F12: variants seen among roughly 807,000 people sequenced by gnomAD.
The protein encoded by F12 is Hageman factor.
In F12, 70 loss-of-function variants were observed where a neutral mutation model predicts 74.8. That is an observed-to-expected ratio of 0.94 (90% CI 0.77 to 1.14). The LOEUF is 1.14. Among genes scored for constraint, F12 ranks in the 50% most tolerant of loss-of-function variants. F12 has a pLI of 0.00. For missense variants in F12, 811 were observed against 835.7 expected, an observed-to-expected ratio of 0.97 and a Z score of 0.36; for synonymous variants, 373 against 356.4, an observed-to-expected ratio of 1.05 and a Z score of -0.52.
intron 8 of F12, 28 bp from the exon 9 acceptor site, chr5:177,404,441 G>A (rs1280024406): frequency 1.2e-6 from 2 of 1,603,946 alleles, no homozygotes; most frequent in African/African-American, 2.7e-5. Flanking sequence ...GGCGCCGTTA[G>A]AGCGCCGGGA....
chr5:177,404,246 GGCGGTGCCGGCTGC>G lies in F12; in HGVS notation c.954_967del (p.Gln319GlufsTer110). ...GGTCCGGGTCGTGGGCTGAGGCTTC[GGCGGTGCCGGCTGC>G]GCGGGCATGAGTGGGACATGAAGCC... On this transcript the variant is annotated frameshift_variant, in exon 9 of 14. Coordinates refer to ENST00000253496, the MANE Select transcript of F12 (RefSeq NM_000505.4). LOFTEE classifies it high-confidence loss of function. 6.3e-7 allele frequency: 1 copy of G among 1,597,574 alleles called. No homozygotes were observed.
At position 177,402,278 on chromosome 5, in the gene F12, G is replaced by T; in HGVS notation, c.*14C>A. 1.2e-6 allele frequency: 2 copies of T among 1,613,332 alleles called. No individual in the cohort carries two copies. Among genetic ancestry groups the T allele is most frequent in the Middle Eastern group, 1.7e-4 (1 of 6,060 alleles). The stretch of plus-strand genomic sequence containing the variant: ...GCGGAATCACCAAGGAGGGAAAGAT[G>T]AGTCCCTGAGCAATCAGGAAACGGT... On this transcript the variant is annotated 3_prime_UTR_variant, in exon 14 of 14. Coordinates refer to ENST00000253496, the MANE Select transcript of F12 (RefSeq NM_000505.4).
chr5:177,404,348 T>C lies in F12; in HGVS notation c.866A>G (p.Tyr289Cys), dbSNP rs756656239. 1.2e-6 allele frequency: 2 copies of C among 1,611,372 alleles called. No homozygotes were observed. The highest frequency in any genetic ancestry group is 1.7e-5 in the Admixed American group (1 of 59,786). The change falls in exon 9 of 14, where the codon TAC (tyrosine) becomes TGC (cysteine). Residue 289 changes from tyrosine (Y) to cysteine (C), a missense_variant. Tyr to Cys is a radical substitution (Grantham distance 194). Coordinates refer to ENST00000253496, the MANE Select transcript of F12 (RefSeq NM_000505.4). Reference sequence around the variant, plus strand: ...GGTCTGGCACTGTGCCAGGTCGCAGTACTCCCAGCTCAGCCGGTCGCGGTT... The same window carrying C: ...GGTCTGGCACTGTGCCAGGTCGCAGCACTCCCAGCTCAGCCGGTCGCGGTT... ...VLNRDRLSWE[Y>C]CDLAQCQTPT...
chr5:177,408,729 A>G (rs2127362348), intron 2 of F12, among the ~76,000 whole-genome samples: 1 of 152,342 alleles, frequency 6.6e-6, no homozygotes, highest in African/African-American at 2.4e-5. Context: ...TGTGGCATGA[A>G]TGATGCCCAT....
chr5:177,403,394 A>G lies in F12; in HGVS notation c.1391T>C (p.Leu464Pro). 1.3e-6 allele frequency: 2 copies of G among 1,596,082 alleles called. No homozygotes were observed. The highest frequency in any genetic ancestry group is 8.5e-7 in the Non-Finnish European group (1 of 1,178,036). The change falls in exon 12 of 14, where the codon CTG becomes CCG. Residue 464 changes from leucine to proline, a missense_variant. Physicochemically the swap from Leu to Pro is moderately conservative, Grantham distance 98. Transcript: ENST00000253496. ...GTCCGCATCCTCCTGAAGGCGCAAC[A>G]GAGCTAACCCGGGCGGAGAGGAGCG... ...SPVSYQHDLA[L>P]LRLQEDADGS...
Position 177,409,141 on chromosome 5 carries a change from G to A in F12, c.58-38C>T, listed in dbSNP as rs912102296. ...GAAGAAGGCAGGGAACTGACTATAAGTCATAGCCTGCCACCGATCTGTTGC... is the reference window on the plus strand; with the variant it reads ...GAAGAAGGCAGGGAACTGACTATAAATCATAGCCTGCCACCGATCTGTTGC... On this transcript the variant is annotated intron_variant, in intron 1 of 13. Transcript: ENST00000253496. 25 of 1,536,936 alleles carry A rather than the reference G, an allele frequency of 1.6e-5. No individual in the cohort carries two copies. The African/African-American group carries it at 2.5e-4, about 15-fold the overall frequency.
chr5:177,404,963 A>C, intron 6 of F12, 49 bp from the exon 7 acceptor site: 1 of 1,585,998 alleles, frequency 6.3e-7, no homozygotes, highest in Non-Finnish European at 8.5e-7. Context: ...AGACCCCCCC[A>C]GAGAGCTCTC....
chr5:177,406,304 C>T (rs569133220), intron 2 of F12, among the ~76,000 whole-genome samples: 2 of 151,598 alleles, frequency 1.3e-5, no homozygotes, highest in East Asian at 3.9e-4. Flanking sequence ...CTGGCTAATA[C>T]AGTGAAACCC....
At position 177,404,818 on chromosome 5, in the gene F12, C is replaced by T. The variant is rs766851500; in HGVS notation, c.626G>A (p.Cys209Tyr). 5.7e-5 allele frequency: 92 copies of T among 1,606,590 alleles called. No homozygotes were observed. Among genetic ancestry groups the T allele is most frequent in the Non-Finnish European group, 7.6e-5 (89 of 1,177,562 alleles). ...HCPVGYTGAF[C>Y]DVDTKASCYD... ...CCCAGACCCTCACTCACCCACGTCG[C>T]AGAAGGCTCCGGTGTAGCCCACCGG... Residue 209 changes from cysteine to tyrosine, a missense_variant, in exon 7 of 14, where the codon TGC becomes TAC. Physicochemically the swap from Cys to Tyr is radical, Grantham distance 194 (BLOSUM62 -2). Coordinates refer to ENST00000253496, the MANE Select transcript of F12 (RefSeq NM_000505.4).
At position 177,404,269 on chromosome 5, in the gene F12, G is replaced by T; in HGVS notation, c.945C>A (p.Leu315=). The T allele has an allele frequency of 6.3e-7, 1 of 1,597,380 alleles. No individual in the cohort carries two copies. The highest frequency in any genetic ancestry group is 1.1e-5 in the South Asian group (1 of 89,264). Residue 315 remains leucine (L), a synonymous_variant, in exon 9 of 14, where the codon CTC becomes CTA. Transcript: ENST00000253496. Reference sequence around the variant, plus strand: ...TCGGCGGTGCCGGCTGCGCGGGCATGAGTGGGACATGAAGCCTAGGGGACA... The same window carrying T: ...TCGGCGGTGCCGGCTGCGCGGGCATTAGTGGGACATGAAGCCTAGGGGACA... The part of the protein sequence containing the change: ...TPVSPRLHVP[L]MPAQPAPPKP...
chr5:177,406,381 C>T (rs543332570), intron 2 of F12, among the ~76,000 whole-genome samples: 3 of 152,086 alleles, frequency 2.0e-5, no homozygotes, highest in African/African-American at 4.8e-5. Flanking sequence ...CCCAGCTACT[C>T]GGGAGGCCGA....
At position 177,403,092 on chromosome 5, in the gene F12, G is replaced by A. The variant is rs975276972; in HGVS notation, c.1531+162C>T. The A allele has an allele frequency of 6.8e-6, 6 of 885,928 alleles. No homozygotes were observed. In the African/African-American group the frequency reaches 1.0e-4, roughly 15 times the overall value. The allele number at this position is 885,928 out of a possible 1,614,324, so 54.9% of individuals were successfully genotyped here. On this transcript the variant is annotated intron_variant, in intron 12 of 13. Coordinates refer to ENST00000253496, the MANE Select transcript of F12 (RefSeq NM_000505.4). ...ATCCCAGCAGTGAATCCCAGGCCCT[G>A]GGATTCTACCTGGGATTCACCTACA...
At chr5:177,408,908 C>A in intron 2 of F12, 138 bp downstream of exon 2, 2 of 844,248 alleles carry the variant, frequency 2.4e-6, no homozygotes, top group South Asian at 2.9e-5. Context: ...GATCACACAG[C>A]TCACGATCAC....
At chr5:177,407,784 C>CAAAAAAAA (rs112040010) in intron 2 of F12, among the ~76,000 whole-genome samples, 1 of 137,866 alleles carries the variant, frequency 7.3e-6, no homozygotes. Context: ...GACTCCATCT[C>CAAAAAAAA]AAAAAAAAAA....
chr5:177,402,494 C>G, intron 13 of F12, 35 bp from the exon 14 acceptor site: 6 of 1,599,466 alleles, frequency 3.8e-6, no homozygotes, highest in Non-Finnish European at 5.1e-6. Flanking sequence ...CGCTGTGGAC[C>G]TGAGATTTGT....
chr5:177,405,950 G>A lies in F12; in HGVS notation c.215+12C>T. On this transcript the variant is annotated intron_variant, in intron 3 of 13. Transcript: ENST00000253496. ...CCCAGGCCCCTGCTCCAACTCCTCTGCGTAGTCTTACCAGGGCTGAGGGCC... is the reference window on the plus strand; with the variant it reads ...CCCAGGCCCCTGCTCCAACTCCTCTACGTAGTCTTACCAGGGCTGAGGGCC... 6.2e-7 allele frequency: 1 copy of A among 1,612,610 alleles called. No homozygotes were observed. The highest frequency in any genetic ancestry group is 8.5e-7 in the Non-Finnish European group (1 of 1,178,702).
In F12 at chr5:177,404,591, C is replaced by A; in HGVS notation, c.708G>T (p.Ala236=). The change falls in exon 8 of 14, where the codon GCG becomes GCT. Residue 236 remains alanine, a synonymous_variant. Transcript: ENST00000253496. ...RGLARTTLSG[A]PCQPWASEAT... ...CCTCCGAGGCCCACGGCTGACAGGG[C>A]GCACCCGAGAGCGTGGTCCTGGCCA... 1 of 1,608,406 alleles carries A rather than the reference C, an allele frequency of 6.2e-7. No individual in the cohort carries two copies. Among genetic ancestry groups the A allele is most frequent in the Non-Finnish European group, 8.5e-7 (1 of 1,179,306 alleles).
At chr5:177,402,837 A>G in intron 12 of F12, 139 bp from the exon 13 acceptor site, 3 of 1,219,038 alleles carry the variant, frequency 2.5e-6, no homozygotes, top group South Asian at 1.3e-5. Context: ...AGGAGGTGCC[A>G]TTAATTCAAT....
chr5:177,409,204 G>C, intron 1 of F12, 101 bp from the exon 2 acceptor site: 1 of 1,300,276 alleles, frequency 7.7e-7, no homozygotes, highest in Non-Finnish European at 1.1e-6. Context: ...GAAATGCAGA[G>C]ATTTCTTCCC....
Sources: allele counts gnomAD v4.1 joint callset (sites outside exome capture counted in the v4.1 genomes callset), GRCh38; gene constraint gnomAD v4.1.1; transcripts MANE v1.5; gene names NCBI Gene and HGNC (gene_info 2026-07-23, HGNC 2026-07-21).